The following ATP6V0E1 variants were observed in gnomAD, a reference collection of about 807,000 sequenced individuals.
ATP6V0E1 encodes V-type proton ATPase subunit e 1.
Under a neutral mutation model 11.6 loss-of-function variants are expected in ATP6V0E1, and 4 were observed. That is an observed-to-expected ratio of 0.35 (90% CI 0.17 to 0.79). ATP6V0E1 has a LOEUF of 0.79. Among genes scored for constraint, ATP6V0E1 ranks in the 30% least tolerant of loss-of-function variants. The pLI, the probability that ATP6V0E1 is intolerant of heterozygous loss-of-function variation, is 0.54. For synonymous variants in ATP6V0E1, 36 were observed against 34.8 expected, an observed-to-expected ratio of 1.04 and a Z score of -0.13; for missense variants, 105 against 100.0, an observed-to-expected ratio of 1.05 and a Z score of -0.21.
intron 2 of ATP6V0E1, among the ~76,000 whole-genome samples, chr5:173,008,278 G>T (rs1030893387): frequency 6.7e-6 from 1 of 149,794 alleles, no homozygotes; most frequent in African/African-American, 2.5e-5. Flanking sequence ...GGAGAGTCCT[G>T]TTCCTTTTTT....
chr5:173,032,241 T>G (rs1320752077), intron 3 of ATP6V0E1, among the ~76,000 whole-genome samples: 1 of 14,800 alleles, frequency 6.8e-5, no homozygotes, highest in African/African-American at 3.6e-4. Flanking sequence ...ACATTTACTT[T>G]TATTTTATTT....
chr5:172,985,012 C>T (rs1375576729), intron 1 of ATP6V0E1, among the ~76,000 whole-genome samples: 1 of 152,082 alleles, frequency 6.6e-6, no homozygotes, highest in African/African-American at 2.4e-5. Context: ...TTTGGGAGGC[C>T]AAGGCGGGCG....
chr5:173,016,595 T>G (rs1248357794), intron 2 of ATP6V0E1, among the ~76,000 whole-genome samples: 1 of 152,176 alleles, frequency 6.6e-6, no homozygotes, highest in Non-Finnish European at 1.5e-5. Flanking sequence ...TCTAATGGAT[T>G]TTTTTAGTAT....
intron 3 of ATP6V0E1, among the ~76,000 whole-genome samples, chr5:173,031,594 G>A (rs1321513913): frequency 6.7e-6 from 1 of 150,244 alleles, no homozygotes; most frequent in Non-Finnish European, 1.5e-5. Flanking sequence ...CAAGGCGCGC[G>A]GATCACGAGG....
At chr5:172,985,567 C>T (rs189119014) in intron 1 of ATP6V0E1, among the ~76,000 whole-genome samples, 41 of 152,198 alleles carry the variant, frequency 2.7e-4, no homozygotes, top group African/African-American at 9.9e-4. Context: ...CAAAGTGCTT[C>T]TTTGTTGTGT....
In ATP6V0E1 at chr5:173,035,379, C is replaced by T. The variant is rs753236848; in HGVS notation, c.*1017C>T. 28 of 152,122 alleles carry T rather than the reference C, an allele frequency of 1.8e-4. No homozygotes were observed. The highest frequency in any genetic ancestry group is 3.6e-4 in the African/African-American group (15 of 41,486). The allele number at this position is 152,122 out of a possible 1,614,324, so 9.4% of individuals were successfully genotyped here. On this transcript the variant is annotated 3_prime_UTR_variant, in exon 4 of 4. Coordinates refer to ENST00000519374, the MANE Select transcript of ATP6V0E1 (RefSeq NM_003945.4). ...TTTTGTATTTCAGTAGCAGGCATCT[C>T]GATACACTAATTTGAGAGCTTTATT... is the stretch of plus-strand genomic sequence containing the variant.
At chr5:173,009,212 C>A (rs1036381055) in intron 2 of ATP6V0E1, among the ~76,000 whole-genome samples, 1 of 151,782 alleles carries the variant, frequency 6.6e-6, no homozygotes, top group East Asian at 1.9e-4. Flanking sequence ...GGCAACAGAG[C>A]GAGCCTGTCT....
intron 3 of ATP6V0E1, among the ~76,000 whole-genome samples, chr5:173,022,988 C>G (rs926767550): frequency 6.6e-6 from 1 of 151,908 alleles, no homozygotes; most frequent in Non-Finnish European, 1.5e-5. Flanking sequence ...GTCTTAGCCT[C>G]CCTAACAGCT....
intron 2 of ATP6V0E1, among the ~76,000 whole-genome samples, chr5:172,997,422 A>G (rs1756081946): frequency 6.6e-6 from 1 of 152,228 alleles, no homozygotes; most frequent in African/African-American, 2.4e-5. Flanking sequence ...TGTATATGCA[A>G]AGTAAGCAAG....
chr5:173,020,372 C>T lies in ATP6V0E1; in HGVS notation c.*36+5C>T, dbSNP rs774523604. On this transcript the variant is annotated splice_donor_5th_base_variant and intron_variant, in intron 3 of 3. Transcript: ENST00000519374. ...CTACAGTGCTCAGTCTTTGAGGTGA[C>T]TATGCTTGTGACCTTTCTTATCAGT... The T allele has an allele frequency of 1.3e-5, 20 of 1,490,756 alleles. 1 individual carries two copies. The highest frequency in any genetic ancestry group is 1.3e-4 in the South Asian group (11 of 87,602). 92.3% of individuals were successfully genotyped at this position (1,490,756 alleles called of 1,614,324 possible). A position where few individuals can be genotyped will look rare whatever the true frequency, so the allele number is the denominator to read the frequency against.
chr5:172,996,466 G>T (rs1756068923), intron 2 of ATP6V0E1, among the ~76,000 whole-genome samples: 1 of 151,998 alleles, frequency 6.6e-6, no homozygotes, highest in Non-Finnish European at 1.5e-5. Flanking sequence ...GGAGGCTGAG[G>T]CAGGAGAATC....
chr5:173,015,500 G>C (rs953075794), intron 2 of ATP6V0E1, among the ~76,000 whole-genome samples: 1 of 152,124 alleles, frequency 6.6e-6, no homozygotes, highest in Non-Finnish European at 1.5e-5. Flanking sequence ...CCAACCATAG[G>C]GGAAGGGGGA....
intron 2 of ATP6V0E1, among the ~76,000 whole-genome samples, chr5:172,995,814 G>T (rs1329672030): frequency 6.6e-6 from 1 of 151,728 alleles, no homozygotes; most frequent in Admixed American, 6.6e-5. Flanking sequence ...GAGTCTTACT[G>T]TGTTACCCAG....
chr5:172,984,881 A>G (rs905390830), intron 1 of ATP6V0E1, among the ~76,000 whole-genome samples: 1 of 152,222 alleles, frequency 6.6e-6, no homozygotes, highest in Non-Finnish European at 1.5e-5. Flanking sequence ...TGGTTTTCAT[A>G]GTACCTTGTA....
rs1274143774 is a variant in ATP6V0E1 at position 172,990,833 on chromosome 5, T to G, written c.105-3942T>G. Among the ~76,000 whole-genome samples the G allele has an allele frequency of 8.0e-5, 11 of 137,398 alleles. No homozygotes were observed. In the South Asian group the frequency reaches 1.9e-3, roughly 23 times the overall value. The allele number at this position is 137,398 out of a possible 152,430, so 90.1% of individuals were successfully genotyped here. ...CAGAGCGATACTCTGTCTCAAAAAT[T>G]AAAAAAAAAAAAAAAATACAGATGG... On this transcript the variant is annotated intron_variant, in intron 1 of 3. Transcript: ENST00000519374.
chr5:172,994,968 T>G, intron 2 of ATP6V0E1, 146 bp downstream of exon 2: 1 of 635,958 alleles, frequency 1.6e-6, no homozygotes, highest in Non-Finnish European at 2.7e-6. Flanking sequence ...ATGCTCAGTA[T>G]ATTTATGTAG....
rs192111293 is a variant in ATP6V0E1, at chr5:172,989,325, T to G, written c.104+5361T>G. The stretch of plus-strand genomic sequence containing the variant: ...CTGCATTCTAGCCTAGGCAACAGAG[T>G]GAGACCCCATCCCTTAAAAAAAAAA... On this transcript the variant is annotated intron_variant, in intron 1 of 3. Transcript: ENST00000519374. Among the ~76,000 whole-genome samples the G allele has an allele frequency of 5.9e-5, 9 of 152,138 alleles. No individual in the cohort carries two copies. In the East Asian group the frequency reaches 1.7e-3, roughly 29 times the overall value.
At chr5:173,028,832 T>TCACATTA (rs1173311269) in intron 3 of ATP6V0E1, among the ~76,000 whole-genome samples, 2 of 152,240 alleles carry the variant, frequency 1.3e-5, no homozygotes, top group Admixed American at 6.5e-5. Context: ...AAGATGTATG[T>TCACATTA]GGGACTCTAA....
intron 1 of ATP6V0E1, among the ~76,000 whole-genome samples, chr5:172,987,355 C>A (rs1006125619): frequency 2.6e-4 from 39 of 151,156 alleles, no homozygotes; most frequent in African/African-American, 9.2e-4. Context: ...GCCATCTTGG[C>A]TCACTGCAAC....
Sources: gnomAD v4.1 joint callset for allele counts (sites outside exome capture counted in the v4.1 genomes callset) on GRCh38, gnomAD v4.1.1 for gene constraint, MANE v1.5 for transcripts, NCBI Gene and HGNC (gene_info 2026-07-23, HGNC 2026-07-21) for gene names.